SORCS3: variants seen among roughly 807,000 people sequenced by gnomAD.
SORCS3 encodes the protein sortilin related VPS10 domain containing receptor 3, also known as VPS10 domain-containing receptor SorCS3.
A neutral mutation model predicts 146.3 loss-of-function variants in SORCS3; 57 were observed. The observed-to-expected ratio is 0.39, with a 90% CI of 0.31 to 0.49. SORCS3 has a LOEUF of 0.49. SORCS3 is among the 20% of genes least tolerant of loss of function. The pLI is 0.92. For synonymous variants in SORCS3, 653 were observed against 618.5 expected (o/e 1.06, Z -0.83); for missense variants, 1,341 against 1,575.5 (o/e 0.85, Z 2.52).
intron 4 of SORCS3, among the ~76,000 whole-genome samples, chr10:104,986,888 A>T (rs2054965193): frequency 6.6e-6 from 1 of 152,198 alleles, no homozygotes; most frequent in Non-Finnish European, 1.5e-5. Flanking sequence ...AGATATAATA[A>T]TAATGAAAAA....
chr10:104,690,995 C>G (rs935260488), intron 1 of SORCS3, among the ~76,000 whole-genome samples: 25 of 152,220 alleles, frequency 1.6e-4, no homozygotes, highest in African/African-American at 5.5e-4. Context: ...GTGATTACAG[C>G]TGGCTCAGGC....
chr10:104,999,412 T>C (rs865816404), intron 4 of SORCS3, among the ~76,000 whole-genome samples: 1 of 152,192 alleles, frequency 6.6e-6, no homozygotes, highest in African/African-American at 2.4e-5. Context: ...ACTCTAGTTA[T>C]TAGCCAAGGG....
intron 23 of SORCS3, 131 bp downstream of exon 23, chr10:105,253,037 A>T: frequency 9.7e-7 from 1 of 1,033,292 alleles, no homozygotes; most frequent in Non-Finnish European, 1.4e-6. Flanking sequence ...TTGAAGAGCA[A>T]TCACCCTTAC....
chr10:104,867,411 G>A (rs1023002900), intron 2 of SORCS3, among the ~76,000 whole-genome samples: 14 of 151,392 alleles, frequency 9.2e-5, no homozygotes, highest in Non-Finnish European at 1.5e-4. Flanking sequence ...CTGGGTTCAC[G>A]CCATTCTCCT....
At chr10:104,712,968 T>C (rs2016435808) in intron 1 of SORCS3, among the ~76,000 whole-genome samples, 1 of 152,150 alleles carries the variant, frequency 6.6e-6, no homozygotes. Context: ...CAGGGTATGG[T>C]ATGTGCTATG....
rs367771270 is a variant in SORCS3 at position 104,724,622 on chromosome 10, G to A, written c.627+82668G>A. Among the ~76,000 whole-genome samples, 141 of 152,198 alleles carry A rather than the reference G, an allele frequency of 9.3e-4. 2 individuals are homozygous for A. In the East Asian group the frequency reaches 0.024, roughly 25 times the overall value. Reference sequence around the variant, plus strand: ...TCACTTTCAGGTACACCAATCAGACGTAGATTTGGTCTTTTCACATAGTCC... The same window carrying A: ...TCACTTTCAGGTACACCAATCAGACATAGATTTGGTCTTTTCACATAGTCC... On this transcript the variant is annotated intron_variant, in intron 1 of 26. Coordinates refer to ENST00000369701, the MANE Select transcript of SORCS3 (RefSeq NM_014978.3).
intron 1 of SORCS3, among the ~76,000 whole-genome samples, chr10:104,799,649 A>G (rs1036873388): frequency 6.6e-6 from 1 of 152,022 alleles, no homozygotes; most frequent in African/African-American, 2.4e-5. Flanking sequence ...CCTATGTAAC[A>G]AAACTGCACG....
At chr10:104,860,693 C>A (rs571344069) in intron 2 of SORCS3, among the ~76,000 whole-genome samples, 1 of 152,272 alleles carries the variant, frequency 6.6e-6, no homozygotes, top group South Asian at 2.1e-4. Flanking sequence ...ATATGTTTAA[C>A]TCATTGCTAT....
At chr10:105,191,262 G>A (rs1177315658) in intron 14 of SORCS3, among the ~76,000 whole-genome samples, 2 of 133,480 alleles carry the variant, frequency 1.5e-5, no homozygotes, top group African/African-American at 5.5e-5. Context: ...CAGATAAAAT[G>A]CTAAGAAATT....
intron 4 of SORCS3, among the ~76,000 whole-genome samples, chr10:104,995,851 T>TA (rs1419643848): frequency 6.6e-6 from 1 of 152,196 alleles, no homozygotes; most frequent in African/African-American, 2.4e-5. Flanking sequence ...ATTATCTTTT[T>TA]ATTTTGCCTT....
chr10:105,191,236 G>A (rs762748682), intron 14 of SORCS3, among the ~76,000 whole-genome samples: 1 of 150,424 alleles, frequency 6.6e-6, no homozygotes, highest in East Asian at 2.0e-4. Context: ...AAGTGCTGTG[G>A]GTCATACCCA....
intron 2 of SORCS3, among the ~76,000 whole-genome samples, chr10:104,868,374 G>A (rs1162137214): frequency 6.6e-6 from 1 of 152,178 alleles, no homozygotes; most frequent in Non-Finnish European, 1.5e-5. Flanking sequence ...TTTCTAATGT[G>A]GTCTATAAGA....
chr10:104,793,495 G>T (rs931008135), intron 1 of SORCS3, among the ~76,000 whole-genome samples: 2 of 152,124 alleles, frequency 1.3e-5, no homozygotes, highest in African/African-American at 4.8e-5. Flanking sequence ...ATAAGTTGAG[G>T]TCTGTGGTAT....
intron 1 of SORCS3, among the ~76,000 whole-genome samples, chr10:104,656,138 C>A (rs1386462809): frequency 6.6e-6 from 1 of 152,054 alleles, no homozygotes; most frequent in Non-Finnish European, 1.5e-5. Flanking sequence ...GAGGGAGATG[C>A]AGATGAGTGG....
At chr10:104,832,008 G>A (rs574593330) in intron 1 of SORCS3, among the ~76,000 whole-genome samples, 2 of 152,198 alleles carry the variant, frequency 1.3e-5, no homozygotes, top group African/African-American at 4.8e-5. Context: ...TAGTCCTGAG[G>A]CATAGTTGAT....
intron 7 of SORCS3, among the ~76,000 whole-genome samples, chr10:105,127,514 A>G (rs974196313): frequency 3.3e-5 from 5 of 152,114 alleles, no homozygotes; most frequent in African/African-American, 9.7e-5. Context: ...TGAAGGTGTA[A>G]TTAGACCTCA....
chr10:105,165,120 A>G (rs1262729004), intron 12 of SORCS3, among the ~76,000 whole-genome samples: 1 of 152,166 alleles, frequency 6.6e-6, no homozygotes, highest in African/African-American at 2.4e-5. Context: ...GGACAAATAG[A>G]CTTATACAGT....
At chr10:105,197,753 C>G (rs1039075420) in intron 14 of SORCS3, among the ~76,000 whole-genome samples, 5 of 152,154 alleles carry the variant, frequency 3.3e-5, no homozygotes, top group Non-Finnish European at 5.9e-5. Context: ...TAACATTTCT[C>G]TAGGTGACAT....
chr10:104,872,350 C>T (rs1327772517), intron 2 of SORCS3, among the ~76,000 whole-genome samples: 2 of 152,070 alleles, frequency 1.3e-5, no homozygotes, highest in Non-Finnish European at 2.9e-5. Flanking sequence ...GGGTTTGTGT[C>T]TGATACTCCT....
Sources: gnomAD v4.1 joint callset for allele counts (sites outside exome capture counted in the v4.1 genomes callset) on GRCh38, gnomAD v4.1.1 for gene constraint, MANE v1.5 for transcripts, NCBI Gene and HGNC (gene_info 2026-07-23, HGNC 2026-07-21) for gene names.